The following PACRG variants were observed in gnomAD, a reference collection of about 807,000 sequenced individuals.
PACRG encodes the protein parkin coregulated, also known as parkin coregulated gene protein.
Under a neutral mutation model 29.7 loss-of-function variants are expected in PACRG, and 29 were observed. That is an observed-to-expected ratio of 0.98 (90% confidence interval 0.73 to 1.33). The LOEUF (loss-of-function observed/expected upper bound fraction) is 1.33, where lower values mean the gene tolerates loss of function less well. PACRG is among the 40% of genes most tolerant of loss of function. The pLI is 0.00. For missense variants in PACRG, 279 were observed against 316.2 expected, an observed-to-expected ratio of 0.88 and a Z score of 0.89; for synonymous variants, 116 against 118.7, an observed-to-expected ratio of 0.98 and a Z score of 0.15.
chr6:162,727,387 G>C, upstream of PACRG: 1 of 484,406 alleles, frequency 2.1e-6, no homozygotes. Context: ...GAGGAGCGGG[G>C]GTGCGGGGCC....
At chr6:162,907,390 T>C (rs1229221107) in intron 2 of PACRG, among the ~76,000 whole-genome samples, 2 of 152,174 alleles carry the variant, frequency 1.3e-5, no homozygotes, top group Non-Finnish European at 2.9e-5. Context: ...AATTTTTCTT[T>C]CAATTGGGCA....
At chr6:162,901,092 C>T (rs1795529562) in intron 2 of PACRG, among the ~76,000 whole-genome samples, 1 of 152,078 alleles carries the variant, frequency 6.6e-6, no homozygotes, top group African/African-American at 2.4e-5. Flanking sequence ...ACAATTTAAC[C>T]TGGCACATAA....
chr6:163,310,312 G>C (rs1381390717), intron 4 of PACRG: 1 of 152,264 alleles, frequency 6.6e-6, no homozygotes, highest in African/African-American at 2.4e-5. Flanking sequence ...CACACAGCGC[G>C]TGGAGGCTCT....
At chr6:163,227,719 A>G (rs1781860865) in intron 4 of PACRG, among the ~76,000 whole-genome samples, 3 of 152,130 alleles carry the variant, frequency 2.0e-5, no homozygotes. Flanking sequence ...CCAGACCCTC[A>G]TACACGTTTG....
chr6:163,032,718 A>G (rs1284386747), intron 2 of PACRG, among the ~76,000 whole-genome samples: 1 of 152,214 alleles, frequency 6.6e-6, no homozygotes, highest in African/African-American at 2.4e-5. Context: ...TTTTATACCA[A>G]ATAAGCCAAA....
chr6:162,930,163 A>G (rs1208099409), intron 2 of PACRG, among the ~76,000 whole-genome samples: 1 of 151,972 alleles, frequency 6.6e-6, no homozygotes, highest in Non-Finnish European at 1.5e-5. Context: ...TAAAGATTGC[A>G]TTGAATTTGT....
chr6:163,186,358 C>T (rs561186123), intron 4 of PACRG, among the ~76,000 whole-genome samples: 3 of 152,246 alleles, frequency 2.0e-5, no homozygotes, highest in South Asian at 2.1e-4. Context: ...GGAATTCTCT[C>T]GTGTGCCCCC....
chr6:162,872,716 G>T (rs1420323386), intron 2 of PACRG, among the ~76,000 whole-genome samples: 3 of 152,070 alleles, frequency 2.0e-5, no homozygotes, highest in Non-Finnish European at 4.4e-5. Flanking sequence ...AAGAAAAATT[G>T]CAGGTCCAGA....
At chr6:163,056,646 A>G (rs1810614847) in intron 2 of PACRG, among the ~76,000 whole-genome samples, 1 of 152,144 alleles carries the variant, frequency 6.6e-6, no homozygotes, top group Non-Finnish European at 1.5e-5. Flanking sequence ...CTTCAGAAGG[A>G]GTGGTCATGA....
intron 2 of PACRG, among the ~76,000 whole-genome samples, chr6:162,821,297 G>A (rs1471134002): frequency 6.6e-6 from 1 of 152,026 alleles, no homozygotes; most frequent in African/African-American, 2.4e-5. Context: ...CCATCTCATC[G>A]AGCTTGAAAG....
At chr6:163,285,923 G>GC (rs1562359246) in intron 4 of PACRG, among the ~76,000 whole-genome samples, 1 of 152,020 alleles carries the variant, frequency 6.6e-6, no homozygotes, top group Non-Finnish European at 1.5e-5. Context: ...GGGACTGAAT[G>GC]ACTCCATCCC....
chr6:162,821,174 A>G (rs559587277), intron 2 of PACRG, among the ~76,000 whole-genome samples: 1 of 152,336 alleles, frequency 6.6e-6, no homozygotes, highest in Admixed American at 6.5e-5. Flanking sequence ...TATATAATTT[A>G]TGTGAGAAAT....
At chr6:163,116,200 C>T (rs1348961727) in intron 4 of PACRG, among the ~76,000 whole-genome samples, 1 of 152,174 alleles carries the variant, frequency 6.6e-6, no homozygotes, top group Non-Finnish European at 1.5e-5. Flanking sequence ...CCTCAGGAAA[C>T]TTACAATCGT....
intron 4 of PACRG, among the ~76,000 whole-genome samples, chr6:163,252,003 T>C (rs1323213568): frequency 1.3e-5 from 2 of 152,224 alleles, no homozygotes; most frequent in African/African-American, 4.8e-5. Flanking sequence ...CCTGTATACC[T>C]GGTCTAAGCC....
intron 4 of PACRG, among the ~76,000 whole-genome samples, chr6:163,174,439 G>C (rs186738969): frequency 6.6e-6 from 1 of 152,198 alleles, no homozygotes; most frequent in Non-Finnish European, 1.5e-5. Context: ...CCTGGTCATA[G>C]AGTCACAGAC....
intron 2 of PACRG, among the ~76,000 whole-genome samples, chr6:162,935,981 A>G (rs963003637): frequency 2.0e-5 from 3 of 152,212 alleles, no homozygotes; most frequent in Non-Finnish European, 4.4e-5. Context: ...TGATGAAGAC[A>G]TACCCAAGAC....
rs960546747 is a variant in PACRG, at chr6:162,968,546, A to G, written c.292-93604A>G. On this transcript the variant is annotated intron_variant, in intron 2 of 4. Transcript: ENST00000366888. ...TCAAACCAAACTTAAAGCAGTAGGAATGATACACATTTCTGAGTTAACTTC... is the reference window on the plus strand; with the variant it reads ...TCAAACCAAACTTAAAGCAGTAGGAGTGATACACATTTCTGAGTTAACTTC... 5.9e-5 allele frequency among the ~76,000 whole-genome samples: 9 copies of G among 152,312 alleles called. 1 individual carries two copies. In the South Asian group the frequency reaches 1.7e-3, roughly 28 times the overall value.
chr6:162,795,808 A>G (rs1196050685), intron 1 of PACRG, among the ~76,000 whole-genome samples: 1 of 152,142 alleles, frequency 6.6e-6, no homozygotes, highest in Non-Finnish European at 1.5e-5. Context: ...GATCTTGTAC[A>G]TTTATTACAT....
chr6:162,926,169 G>A (rs933254309), intron 2 of PACRG, among the ~76,000 whole-genome samples: 1 of 151,956 alleles, frequency 6.6e-6, no homozygotes, highest in Non-Finnish European at 1.5e-5. Context: ...ACAAACAAAT[G>A]CAAATATATT....
Sources: allele counts gnomAD v4.1 joint callset (sites outside exome capture counted in the v4.1 genomes callset), GRCh38; gene constraint gnomAD v4.1.1; transcripts MANE v1.5; gene names NCBI Gene and HGNC (gene_info 2026-07-23, HGNC 2026-07-21).